The following CACNA2D3 variants were observed in gnomAD, a reference collection of about 807,000 sequenced individuals.
CACNA2D3 encodes calcium voltage-gated channel auxiliary subunit alpha2delta 3, also known as voltage-dependent calcium channel subunit alpha-2/delta-3.
In CACNA2D3, 60 loss-of-function variants were observed where a neutral mutation model predicts 160.6. That is an observed-to-expected ratio of 0.37 (90% CI 0.30 to 0.46). The LOEUF (loss-of-function observed/expected upper bound fraction) is 0.46. Ranked by LOEUF, CACNA2D3 falls within the 20% of genes least tolerant of loss-of-function variation. The pLI is 1.00. For synonymous variants in CACNA2D3, 558 were observed against 492.9 expected (o/e 1.13, Z -1.75); for missense variants, 1,205 against 1,365.0 (o/e 0.88, Z 1.85).
intron 27 of CACNA2D3, among the ~76,000 whole-genome samples, chr3:54,964,809 G>T (rs1178995190): frequency 2.0e-5 from 3 of 150,996 alleles, no homozygotes; most frequent in African/African-American, 7.4e-5. Context: ...GGGGGAGAGG[G>T]TTATTCTTAT....
chr3:54,335,273 C>T (rs1004503700), intron 3 of CACNA2D3, among the ~76,000 whole-genome samples: 4 of 152,134 alleles, frequency 2.6e-5, no homozygotes, highest in African/African-American at 7.2e-5. Flanking sequence ...AGGGCGAGTC[C>T]ATAAAGTAAA....
intron 4 of CACNA2D3, among the ~76,000 whole-genome samples, chr3:54,404,921 G>C (rs28838025): frequency 6.6e-6 from 1 of 151,452 alleles, no homozygotes; most frequent in Non-Finnish European, 1.5e-5. Flanking sequence ...TACCAAGAAA[G>C]TAAAAGACAT....
At chr3:54,170,487 C>T (rs906769034) in intron 2 of CACNA2D3, among the ~76,000 whole-genome samples, 11 of 152,186 alleles carry the variant, frequency 7.2e-5, no homozygotes, top group African/African-American at 2.4e-4. Flanking sequence ...TAGGGCCACT[C>T]GGAAGCACAG....
At chr3:55,021,715 G>GTGTATATATATA (rs1553632885) in intron 35 of CACNA2D3, among the ~76,000 whole-genome samples, 3 of 141,416 alleles carry the variant, frequency 2.1e-5, no homozygotes, top group African/African-American at 8.0e-5. Flanking sequence ...ATATGTGTGT[G>GTGTATATATATA]TATATATATA....
At chr3:54,553,254 G>T (rs1256092903) in intron 5 of CACNA2D3, among the ~76,000 whole-genome samples, 1 of 152,232 alleles carries the variant, frequency 6.6e-6, no homozygotes, top group Non-Finnish European at 1.5e-5. Context: ...TTGATAATTA[G>T]CATCAAAACT....
chr3:54,637,063 A>G (rs1699391017), intron 10 of CACNA2D3, among the ~76,000 whole-genome samples: 1 of 151,990 alleles, frequency 6.6e-6, no homozygotes. Flanking sequence ...TAGGCAAAAC[A>G]ATTTGGTTGA....
intron 2 of CACNA2D3, among the ~76,000 whole-genome samples, chr3:54,280,912 T>G (rs1421882299): frequency 6.6e-6 from 1 of 152,206 alleles, no homozygotes; most frequent in African/African-American, 2.4e-5. Context: ...CACTCCATAC[T>G]TCCCTTGCTA....
intron 27 of CACNA2D3, among the ~76,000 whole-genome samples, chr3:54,954,283 A>G: frequency 6.6e-6 from 1 of 152,166 alleles, no homozygotes; most frequent in East Asian, 1.9e-4. Context: ...CACTCTGAAG[A>G]GCCTGCGGGA....
intron 11 of CACNA2D3, among the ~76,000 whole-genome samples, chr3:54,695,319 A>G (rs533458023): frequency 1.3e-5 from 2 of 152,266 alleles, no homozygotes; most frequent in African/African-American, 4.8e-5. Flanking sequence ...CACCTGGCTG[A>G]AAATATTTTA....
intron 4 of CACNA2D3, among the ~76,000 whole-genome samples, chr3:54,447,917 A>T (rs4974361): frequency 0.13 from 19,150 of 152,170 alleles, 1,522 homozygotes; most frequent in Admixed American, 0.24. Flanking sequence ...AGTTCCAGAA[A>T]GAACTAACAA....
At chr3:54,878,282 T>C (rs1031530622) in intron 18 of CACNA2D3, among the ~76,000 whole-genome samples, 1 of 152,178 alleles carries the variant, frequency 6.6e-6, no homozygotes, top group Non-Finnish European at 1.5e-5. Flanking sequence ...TAACTGGCCT[T>C]CTCTGTCGTC....
At chr3:54,190,099 A>G (rs1267230878) in intron 2 of CACNA2D3, among the ~76,000 whole-genome samples, 1 of 152,160 alleles carries the variant, frequency 6.6e-6, no homozygotes, top group Admixed American at 6.5e-5. Flanking sequence ...TCACTGTGGA[A>G]GGAATGAGCT....
intron 21 of CACNA2D3, among the ~76,000 whole-genome samples, chr3:54,884,712 C>G (rs1699883078): frequency 6.6e-6 from 1 of 152,174 alleles, no homozygotes; most frequent in Non-Finnish European, 1.5e-5. Context: ...GGCGGATGAC[C>G]GTTTTCACTT....
intron 2 of CACNA2D3, among the ~76,000 whole-genome samples, chr3:54,295,421 T>C (rs539188379): frequency 1.7e-4 from 24 of 143,450 alleles, no homozygotes; most frequent in Admixed American, 6.2e-4. Context: ...CAGAAGGTCC[T>C]GAAGACGTGC....
chr3:54,874,749 A>G (rs1381638572), intron 18 of CACNA2D3: 1 of 152,256 alleles, frequency 6.6e-6, no homozygotes, highest in Non-Finnish European at 1.5e-5. Context: ...AGCCTGGCCC[A>G]CAGAGCCGTG....
intron 2 of CACNA2D3, among the ~76,000 whole-genome samples, chr3:54,205,722 G>T (rs1426593548): frequency 3.3e-5 from 5 of 152,172 alleles, no homozygotes; most frequent in African/African-American, 7.2e-5. Flanking sequence ...GTTGAAAGTA[G>T]TCCCTCTGGG....
intron 35 of CACNA2D3, among the ~76,000 whole-genome samples, chr3:55,019,365 T>C (rs994651873): frequency 2.6e-5 from 4 of 152,064 alleles, no homozygotes; most frequent in African/African-American, 9.7e-5. Flanking sequence ...TGATAGGGTT[T>C]TCATTAAAAT....
intron 9 of CACNA2D3, 48 bp downstream of exon 9, chr3:54,581,925 C>T: frequency 6.8e-7 from 1 of 1,474,264 alleles, no homozygotes; most frequent in Non-Finnish European, 9.4e-7. Flanking sequence ...ACCCCTGTCT[C>T]CCTCATAGTG....
chr3:54,987,386 C>G (rs957147134), intron 30 of CACNA2D3, among the ~76,000 whole-genome samples: 3 of 152,128 alleles, frequency 2.0e-5, no homozygotes, highest in African/African-American at 7.2e-5. Flanking sequence ...CCTACTCCAT[C>G]CAAGGGTAGT....
Sources: allele counts gnomAD v4.1 joint callset (sites outside exome capture counted in the v4.1 genomes callset), GRCh38; gene constraint gnomAD v4.1.1; transcripts MANE v1.5; gene names NCBI Gene and HGNC (gene_info 2026-07-23, HGNC 2026-07-21).